The following PCDH9 variants were observed in gnomAD, a reference collection of about 807,000 sequenced individuals.
The protein encoded by PCDH9 is protocadherin-9.
In PCDH9, 24 loss-of-function variants were observed where a neutral mutation model predicts 70.6. The ratio of observed to expected loss-of-function variants is 0.34; its 90% CI spans 0.25 to 0.48. PCDH9 has a LOEUF of 0.48. Ranked by LOEUF, PCDH9 falls within the 20% of genes least tolerant of loss-of-function variation. PCDH9 has a pLI of 0.99. For missense variants in PCDH9, 1,281 were observed against 1,503.6 expected, an observed-to-expected ratio of 0.85 and a Z score of 2.45; for synonymous variants, 562 against 558.5, an observed-to-expected ratio of 1.01 and a Z score of -0.09.
At chr13:67,174,377 T>G (rs2088388034) in intron 2 of PCDH9, among the ~76,000 whole-genome samples, 1 of 151,992 alleles carries the variant, frequency 6.6e-6, no homozygotes, top group South Asian at 2.1e-4. Flanking sequence ...AATTTATCGC[T>G]TATTAAAATG....
At chr13:66,996,309 C>T (rs2084113973) in intron 2 of PCDH9, 1 of 151,622 alleles carries the variant, frequency 6.6e-6, no homozygotes, top group South Asian at 2.1e-4. Context: ...ATATTCAATA[C>T]ACAGTAATAA....
At chr13:66,845,268 C>T (rs1465980555) in intron 3 of PCDH9, among the ~76,000 whole-genome samples, 1 of 152,228 alleles carries the variant, frequency 6.6e-6, no homozygotes, top group Non-Finnish European at 1.5e-5. Context: ...CTTCAGCCTC[C>T]CTCCCATGCT....
intron 2 of PCDH9, among the ~76,000 whole-genome samples, chr13:67,124,294 C>T (rs991365774): frequency 1.3e-5 from 2 of 152,008 alleles, no homozygotes; most frequent in Non-Finnish European, 2.9e-5. Context: ...ACCCTATGCT[C>T]AGCTGGAAAA....
At chr13:66,391,967 A>G (rs1957026925) in intron 4 of PCDH9, among the ~76,000 whole-genome samples, 1 of 150,456 alleles carries the variant, frequency 6.6e-6, no homozygotes, top group Non-Finnish European at 1.5e-5. Context: ...TTTGTTTTTT[A>G]AATTTAAATG....
chr13:66,707,153 C>T (rs371915229), intron 3 of PCDH9, among the ~76,000 whole-genome samples: 4 of 152,218 alleles, frequency 2.6e-5, no homozygotes, highest in South Asian at 4.1e-4. Context: ...AAGAGGTGAA[C>T]CTAGCATGGT....
At chr13:66,585,826 A>T (rs2076955358) in intron 4 of PCDH9, among the ~76,000 whole-genome samples, 1 of 152,084 alleles carries the variant, frequency 6.6e-6, no homozygotes, top group Non-Finnish European at 1.5e-5. Flanking sequence ...TGAACAAATG[A>T]TCTTAGAATA....
chr13:66,887,076 CA>C (rs1215152204), intron 3 of PCDH9, among the ~76,000 whole-genome samples: 35 of 142,612 alleles, frequency 2.5e-4, no homozygotes, highest in East Asian at 4.2e-4. Context: ...CACACACACA[CA>C]CCCTGTATTT....
intron 4 of PCDH9, among the ~76,000 whole-genome samples, chr13:66,511,232 G>C (rs1289706910): frequency 1.3e-5 from 2 of 151,980 alleles, no homozygotes; most frequent in African/African-American, 4.8e-5. Context: ...TTTTATATTA[G>C]TTTTGCATTA....
intron 2 of PCDH9, among the ~76,000 whole-genome samples, chr13:66,924,437 T>C (rs2082685180): frequency 6.6e-6 from 1 of 151,850 alleles, no homozygotes; most frequent in East Asian, 1.9e-4. Flanking sequence ...TTTGTACATA[T>C]TTTCAATCAT....
intron 2 of PCDH9, among the ~76,000 whole-genome samples, chr13:66,931,310 A>G (rs2082804214): frequency 6.6e-6 from 1 of 152,166 alleles, no homozygotes; most frequent in South Asian, 2.1e-4. Flanking sequence ...TTAAAAATGT[A>G]AAAGTATTCT....
At chr13:66,927,878 A>G (rs1266578199) in intron 2 of PCDH9, among the ~76,000 whole-genome samples, 1 of 152,084 alleles carries the variant, frequency 6.6e-6, no homozygotes, top group East Asian at 1.9e-4. Context: ...AATTTTGGGG[A>G]AACACAATTC....
chr13:66,595,273 C>G (rs962461424), intron 4 of PCDH9, among the ~76,000 whole-genome samples: 7 of 151,632 alleles, frequency 4.6e-5, no homozygotes, highest in Non-Finnish European at 1.0e-4. Context: ...GCAAACCTAC[C>G]TCCTGTCATA....
chr13:66,755,780 G>C (rs7990224), intron 3 of PCDH9, among the ~76,000 whole-genome samples: 4,066 of 152,136 alleles, frequency 0.027, 164 homozygotes, highest in African/African-American at 0.09. Flanking sequence ...GGGGAAACAA[G>C]GATGAACAAA....
At chr13:66,410,195 C>T (rs1322626526) in intron 4 of PCDH9, among the ~76,000 whole-genome samples, 2 of 150,332 alleles carry the variant, frequency 1.3e-5, no homozygotes, top group Admixed American at 6.6e-5. Flanking sequence ...TTTATTCTTC[C>T]TTTTTTTAAA....
chr13:67,085,780 T>C (rs2086094863), intron 2 of PCDH9, among the ~76,000 whole-genome samples: 1 of 152,202 alleles, frequency 6.6e-6, no homozygotes, highest in South Asian at 2.1e-4. Flanking sequence ...GGAAGGAGTT[T>C]GTTCAAATGG....
At chr13:66,619,900 T>G (rs2077402270) in intron 4 of PCDH9, among the ~76,000 whole-genome samples, 1 of 152,178 alleles carries the variant, frequency 6.6e-6, no homozygotes, top group African/African-American at 2.4e-5. Flanking sequence ...TTCTGTCTCC[T>G]CTAATTATCA....
intron 3 of PCDH9, among the ~76,000 whole-genome samples, chr13:66,848,312 C>A (rs1451119191): frequency 1.3e-5 from 2 of 152,158 alleles, no homozygotes; most frequent in African/African-American, 4.8e-5. Context: ...ACATTTTTCA[C>A]CTCTGCTTTT....
At chr13:66,383,570 A>G (rs1956881385) in intron 4 of PCDH9, among the ~76,000 whole-genome samples, 2 of 152,236 alleles carry the variant, frequency 1.3e-5, no homozygotes, top group South Asian at 2.1e-4. Context: ...ACAAAAATAC[A>G]TTGTAATCAT....
intron 3 of PCDH9, among the ~76,000 whole-genome samples, chr13:66,898,556 G>T (rs2082222666): frequency 6.6e-6 from 1 of 151,854 alleles, no homozygotes; most frequent in Non-Finnish European, 1.5e-5. Context: ...ATATACTTGG[G>T]TAATATGACT....
Sources: gnomAD v4.1 joint callset for allele counts (sites outside exome capture counted in the v4.1 genomes callset) on GRCh38, gnomAD v4.1.1 for gene constraint, MANE v1.5 for transcripts, NCBI Gene and HGNC (gene_info 2026-07-23, HGNC 2026-07-21) for gene names.